Variants in PRKG1 observed in about 807,000 individuals in gnomAD.
PRKG1 encodes the protein protein kinase cGMP-dependent 1.
Under a neutral mutation model 88.1 loss-of-function variants are expected in PRKG1, and 35 were observed. The ratio of observed to expected loss-of-function variants is 0.40; its 90% confidence interval spans 0.30 to 0.53. The LOEUF (loss-of-function observed/expected upper bound fraction) is 0.53. Ranked by LOEUF, PRKG1 falls within the 20% of genes least tolerant of loss-of-function variation. The pLI is 0.59. For missense variants in PRKG1, 540 were observed against 839.8 expected (o/e 0.64, Z 4.41); for synonymous variants, 303 against 292.5 (o/e 1.04, Z -0.37).
chr10:51,677,165 AT>A (rs1840731165), intron 3 of PRKG1, among the ~76,000 whole-genome samples: 1 of 152,072 alleles, frequency 6.6e-6, no homozygotes, highest in Non-Finnish European at 1.5e-5. Context: ...CATTGGCTCA[AT>A]GTTATGCTTG....
chr10:51,592,806 G>A (rs1838345950), intron 3 of PRKG1, among the ~76,000 whole-genome samples: 1 of 152,134 alleles, frequency 6.6e-6, no homozygotes. Context: ...ATTCTGACCA[G>A]TTTGTATGCT....
chr10:52,073,257 A>G (rs1846547535), intron 7 of PRKG1, among the ~76,000 whole-genome samples: 1 of 152,180 alleles, frequency 6.6e-6, no homozygotes, highest in Non-Finnish European at 1.5e-5. Flanking sequence ...CCTTAACTTG[A>G]TCATATCTGG....
rs373398432 is a variant in PRKG1 at position 51,661,892 on chromosome 10, T to C, written c.593-142693T>C. ...GGCACATATACACCATGGAATACTA[T>C]GCAGTCATAAAAGGATGAGTTCACA... On this transcript the variant is annotated intron_variant, in intron 3 of 17. Coordinates refer to ENST00000373980, the MANE Select transcript of PRKG1 (RefSeq NM_006258.4). Among the ~76,000 whole-genome samples the C allele has an allele frequency of 7.2e-5, 11 of 152,130 alleles. No individual in the cohort carries two copies. In the South Asian group the frequency reaches 1.4e-3, roughly 20 times the overall value.
At chr10:51,077,099 T>C (rs1465026163) in intron 1 of PRKG1, among the ~76,000 whole-genome samples, 1 of 152,202 alleles carries the variant, frequency 6.6e-6, no homozygotes, top group Non-Finnish European at 1.5e-5. Context: ...AAAAAAGAAG[T>C]ACATTGTATG....
intron 3 of PRKG1, among the ~76,000 whole-genome samples, chr10:51,685,907 T>G (rs10740321): frequency 2.0e-5 from 3 of 151,872 alleles, no homozygotes; most frequent in African/African-American, 7.3e-5. Flanking sequence ...AGACCACTCT[T>G]CAGCCCTGGT....
At chr10:51,957,124 G>GCTTT (rs146554859) in intron 5 of PRKG1, among the ~76,000 whole-genome samples, 36,192 of 108,188 alleles carry the variant, frequency 0.33, 4,208 homozygotes, top group East Asian at 0.56. Flanking sequence ...TTTCTTTCCT[G>GCTTT]CTTTCTTTCT....
chr10:52,176,087 C>T (rs1369984441), intron 9 of PRKG1, among the ~76,000 whole-genome samples: 1 of 151,576 alleles, frequency 6.6e-6, no homozygotes, highest in Admixed American at 6.6e-5. Flanking sequence ...TGTCTTGAAG[C>T]ATTTCCTCAA....
At chr10:51,660,468 G>A (rs898910610) in intron 3 of PRKG1, among the ~76,000 whole-genome samples, 11 of 151,696 alleles carry the variant, frequency 7.3e-5, no homozygotes, top group African/African-American at 9.7e-5. Flanking sequence ...ACATTTCAAT[G>A]TAAAGGTATC....
At chr10:51,535,998 C>T (rs1230717944) in intron 3 of PRKG1, among the ~76,000 whole-genome samples, 2 of 152,194 alleles carry the variant, frequency 1.3e-5, no homozygotes, top group African/African-American at 4.8e-5. Context: ...CCTGTGATTA[C>T]AGGCATGAGC....
chr10:51,224,648 A>G (rs1407145330), intron 2 of PRKG1, among the ~76,000 whole-genome samples: 1 of 152,168 alleles, frequency 6.6e-6, no homozygotes. Context: ...ATAAGAACAC[A>G]TTTACTTTCA....
At chr10:51,515,713 C>T (rs531050412) in intron 3 of PRKG1, among the ~76,000 whole-genome samples, 1 of 152,234 alleles carries the variant, frequency 6.6e-6, no homozygotes, top group East Asian at 1.9e-4. Context: ...AAGTTCCAAT[C>T]AACGCAGGAT....
chr10:51,222,768 G>A (rs1432239722), intron 2 of PRKG1, among the ~76,000 whole-genome samples: 3 of 151,910 alleles, frequency 2.0e-5, no homozygotes, highest in Non-Finnish European at 2.9e-5. Flanking sequence ...AGGCCCTGAC[G>A]GTAGGAATTA....
At chr10:52,224,653 G>A (rs918271754) in intron 9 of PRKG1, among the ~76,000 whole-genome samples, 1 of 146,976 alleles carries the variant, frequency 6.8e-6, no homozygotes, top group African/African-American at 2.5e-5. Flanking sequence ...ATGCCTTTGT[G>A]TCCTCATAGC....
chr10:51,967,337 C>A (rs1003532373), intron 5 of PRKG1, among the ~76,000 whole-genome samples: 2 of 152,048 alleles, frequency 1.3e-5, no homozygotes, highest in Admixed American at 6.6e-5. Flanking sequence ...CACATGTTCT[C>A]ACTCATAGGT....
intron 7 of PRKG1, among the ~76,000 whole-genome samples, chr10:52,084,905 T>C (rs965654317): frequency 2.0e-5 from 3 of 152,096 alleles, no homozygotes; most frequent in African/African-American, 7.2e-5. Context: ...TGCGACAGCT[T>C]TCTTTGTCTT....
At chr10:52,244,111 A>G (rs896697738) in intron 9 of PRKG1, among the ~76,000 whole-genome samples, 1 of 152,120 alleles carries the variant, frequency 6.6e-6, no homozygotes, top group Non-Finnish European at 1.5e-5. Context: ...TTCCACTGCT[A>G]AAAGGATGGT....
intron 9 of PRKG1, among the ~76,000 whole-genome samples, chr10:52,176,001 T>C (rs1000628894): frequency 1.3e-5 from 2 of 152,036 alleles, no homozygotes; most frequent in African/African-American, 2.4e-5. Context: ...CAGACTGATA[T>C]AAGTTTATTT....
intron 2 of PRKG1, among the ~76,000 whole-genome samples, chr10:51,364,066 G>T (rs1272726650): frequency 6.6e-6 from 1 of 151,954 alleles, no homozygotes; most frequent in Non-Finnish European, 1.5e-5. Flanking sequence ...AAACTGGCAG[G>T]ACATGCTCAG....
chr10:51,187,305 C>T (rs1433405591), intron 2 of PRKG1, among the ~76,000 whole-genome samples: 1 of 151,884 alleles, frequency 6.6e-6, no homozygotes, highest in Non-Finnish European at 1.5e-5. Flanking sequence ...AAAACTGGTT[C>T]CACCTGTAAA....
Sources: gnomAD v4.1 joint callset for allele counts (sites outside exome capture counted in the v4.1 genomes callset) on GRCh38, gnomAD v4.1.1 for gene constraint, MANE v1.5 for transcripts, NCBI Gene and HGNC (gene_info 2026-07-23, HGNC 2026-07-21) for gene names.